The following CLEC18B variants were observed in gnomAD, a reference collection of about 807,000 sequenced individuals.
CLEC18B encodes C-type lectin domain family 18 member B, also known as mannose receptor-like 2.
Under a neutral mutation model 60.4 loss-of-function variants are expected in CLEC18B, and 5 were observed. That is an observed-to-expected ratio of 0.08 (90% confidence interval 0.04 to 0.17). CLEC18B has a LOEUF of 0.17. CLEC18B is among the 10% of genes least tolerant of loss of function. The pLI is 1.00. For missense variants in CLEC18B, 26 were observed against 572.8 expected, an observed-to-expected ratio of 0.05 and a Z score of 9.74; for synonymous variants, 16 against 221.2, an observed-to-expected ratio of 0.07 and a Z score of 8.23.
At chr16:74,410,210 T>G (rs2013069686) in intron 10 of CLEC18B, among the ~76,000 whole-genome samples, 1 of 152,416 alleles carries the variant, frequency 6.6e-6, no homozygotes, top group East Asian at 1.9e-4. Flanking sequence ...TCAGTGTAAC[T>G]GATGCAGGCA....
At chr16:74,414,287 C>T (rs1372448561) in intron 3 of CLEC18B, among the ~76,000 whole-genome samples, 1 of 152,288 alleles carries the variant, frequency 6.6e-6, no homozygotes, top group African/African-American at 2.4e-5. Context: ...CGTCAAGGGC[C>T]TTGTGACTGC....
At chr16:74,419,241 T>C (rs2013563813) in intron 2 of CLEC18B, among the ~76,000 whole-genome samples, 1 of 152,090 alleles carries the variant, frequency 6.6e-6, no homozygotes, top group African/African-American at 2.4e-5. Flanking sequence ...ACAGAGTGGA[T>C]GCAGGGAGGG....
upstream of CLEC18B, among the ~76,000 whole-genome samples, chr16:74,424,198 T>C (rs1019468150): frequency 2.7e-5 from 4 of 150,940 alleles, no homozygotes; most frequent in East Asian, 7.8e-4. Flanking sequence ...AGTCATTTTG[T>C]CTCTTCCTGA....
At chr16:74,413,861 T>G (rs1179167215) in intron 3 of CLEC18B, among the ~76,000 whole-genome samples, 185 bp from the exon 4 acceptor site, 12 of 137,398 alleles carry the variant, frequency 8.7e-5, no homozygotes, top group South Asian at 2.1e-4. Flanking sequence ...TATTTATTTA[T>G]TTATTTATTT....
intron 3 of CLEC18B, among the ~76,000 whole-genome samples, chr16:74,416,333 T>C (rs534031381): frequency 2.0e-5 from 3 of 151,990 alleles, no homozygotes; most frequent in African/African-American, 7.2e-5. Flanking sequence ...GTCTGCACAG[T>C]TGGCGTAAGC....
chr16:74,409,644 G>C lies in CLEC18B; in HGVS notation c.1212-3C>G, dbSNP rs146555914. The C allele has an allele frequency of 0.13, 204,617 of 1,586,116 alleles. 2,573 individuals are homozygous for C. Among genetic ancestry groups the C allele is most frequent in the Admixed American group, 0.25 (14,470 of 58,326 alleles). On this transcript the variant is annotated splice_polypyrimidine_tract_variant and splice_region_variant and intron_variant, in intron 10 of 11. Coordinates refer to ENST00000682950, the MANE Select transcript of CLEC18B (RefSeq NM_001385193.1). ...GCAGCTCCACGCAGTTGCCAAACCT[G>C]CAGGCCAGGGTGTGGTGGTCAGGAG...
chr16:74,416,407 CT>C (rs1415636584), intron 3 of CLEC18B, among the ~76,000 whole-genome samples: 17 of 152,238 alleles, frequency 1.1e-4, no homozygotes, highest in Non-Finnish European at 2.2e-4. Context: ...GGTTTTACTC[CT>C]GCTGCCCAGG....
At chr16:74,414,392 C>T (rs1172192155) in intron 3 of CLEC18B, among the ~76,000 whole-genome samples, 3 of 152,116 alleles carry the variant, frequency 2.0e-5, no homozygotes, top group African/African-American at 7.2e-5. Context: ...TCTTTCCTTG[C>T]TCCTTGAATC....
intron 4 of CLEC18B, 32 bp downstream of exon 4, chr16:74,413,547 G>A (rs748009831): frequency 6.2e-7 from 1 of 1,614,064 alleles, no homozygotes; most frequent in East Asian, 2.2e-5. Context: ...CTGTCTCCCA[G>A]ACATCCCAGC....
At chr16:74,421,573 CTAA>C (rs1259978006), upstream of CLEC18B, 1 of 459,732 alleles carries the variant, frequency 2.2e-6, no homozygotes, top group Admixed American at 3.9e-5. Flanking sequence ...GCGGCCCCTG[CTAA>C]TCATTGTGGG....
At chr16:74,421,866 C>CTT (rs1412390022), upstream of CLEC18B, 43 of 142,600 alleles carry the variant, frequency 3.0e-4, no homozygotes, top group Non-Finnish European at 3.6e-4. Flanking sequence ...AAGAGGTAAC[C>CTT]GCACACCAGA....
intron 2 of CLEC18B, among the ~76,000 whole-genome samples, chr16:74,419,203 A>G (rs1387723369): frequency 6.6e-6 from 1 of 152,272 alleles, no homozygotes. Flanking sequence ...CGGAGCAGGG[A>G]GGTGCCTGCA....
intron 4 of CLEC18B, among the ~76,000 whole-genome samples, 192 bp downstream of exon 4, chr16:74,413,387 C>A (rs1233478107): frequency 4.6e-5 from 7 of 152,270 alleles, no homozygotes; most frequent in African/African-American, 1.7e-4. Flanking sequence ...GGGACATCCG[C>A]AGAGCAGCAC....
intron 2 of CLEC18B, among the ~76,000 whole-genome samples, chr16:74,418,799 CTT>C (rs562984142): frequency 3.5e-5 from 5 of 141,218 alleles, no homozygotes; most frequent in Non-Finnish European, 4.6e-5. Context: ...CCTCCCTCTT[CTT>C]TTTTTTTTTT....
upstream of CLEC18B, among the ~76,000 whole-genome samples, chr16:74,423,324 G>C (rs1235731195): frequency 6.6e-6 from 1 of 151,770 alleles, no homozygotes; most frequent in South Asian, 2.1e-4. Flanking sequence ...TGGGACAGGC[G>C]GGAGAAAAAG....
chr16:74,418,722 G>GC (rs1423018484), intron 2 of CLEC18B, among the ~76,000 whole-genome samples: 1 of 152,220 alleles, frequency 6.6e-6, no homozygotes, highest in African/African-American at 2.4e-5. Flanking sequence ...ACACCTCTCT[G>GC]CCCTAGTCTC....
rs2013334155 is a variant in CLEC18B at position 74,414,426 on chromosome 16, G to A, written c.457-750C>T. ...TCTGGCTGGCTCTGTAACTGGTTTG[G>A]CCACCAGAATGCCACAGAAGTGATA... On this transcript the variant is annotated intron_variant, in intron 3 of 11. Transcript: ENST00000682950. Among the ~76,000 whole-genome samples the A allele has an allele frequency of 4.0e-5, 6 of 151,784 alleles. No individual in the cohort carries two copies. In the South Asian group the frequency reaches 1.0e-3, roughly 26 times the overall value.
chr16:74,417,057 A>C (rs1402199296), intron 3 of CLEC18B, among the ~76,000 whole-genome samples: 2 of 150,692 alleles, frequency 1.3e-5, no homozygotes, highest in Admixed American at 1.3e-4. Flanking sequence ...TGAGGTCAGG[A>C]GTTTGAGACC....
chr16:74,413,419 T>C (rs1270201598), intron 4 of CLEC18B, among the ~76,000 whole-genome samples, 160 bp downstream of exon 4: 2 of 152,266 alleles, frequency 1.3e-5, no homozygotes, highest in Admixed American at 1.3e-4. Flanking sequence ...CCAGAATCTT[T>C]AGCACCCTCT....
Sources: allele counts gnomAD v4.1 joint callset (sites outside exome capture counted in the v4.1 genomes callset), GRCh38; gene constraint gnomAD v4.1.1; transcripts MANE v1.5; gene names NCBI Gene and HGNC (gene_info 2026-07-23, HGNC 2026-07-21).